ENOX1: variants seen among roughly 807,000 people sequenced by gnomAD.
ENOX1 encodes the protein candidate growth-related and time keeping constitutive hydroquinone (NADH) oxidase.
A neutral mutation model predicts 82.5 loss-of-function variants in ENOX1; 42 were observed. The ratio of observed to expected loss-of-function variants is 0.51; its 90% CI spans 0.40 to 0.66. ENOX1 has a LOEUF of 0.66. ENOX1 is among the 30% of genes least tolerant of loss of function. The probability of loss-of-function intolerance (pLI) is 0.00; values close to 1 mark genes in which losing one functional copy is unlikely to be tolerated. For synonymous variants in ENOX1, 271 were observed against 282.2 expected (o/e 0.96, Z 0.40); for missense variants, 608 against 811.6 (o/e 0.75, Z 3.05).
At chr13:43,722,160 G>T (rs1323522591) in intron 1 of ENOX1, among the ~76,000 whole-genome samples, 4 of 152,142 alleles carry the variant, frequency 2.6e-5, no homozygotes, top group Non-Finnish European at 2.9e-5. Context: ...GGATAAAAGG[G>T]TATTTAAAAA....
At chr13:43,459,736 G>A (rs1480140476) in intron 3 of ENOX1, among the ~76,000 whole-genome samples, 1 of 152,186 alleles carries the variant, frequency 6.6e-6, no homozygotes, top group Non-Finnish European at 1.5e-5. Context: ...GCTCCCACCT[G>A]TAATCCCAGC....
intron 2 of ENOX1, among the ~76,000 whole-genome samples, chr13:43,653,248 G>T (rs540052963): frequency 2.0e-5 from 3 of 152,174 alleles, no homozygotes; most frequent in Admixed American, 6.5e-5. Flanking sequence ...ATTGTTAATG[G>T]AAACAAACAT....
intron 2 of ENOX1, among the ~76,000 whole-genome samples, chr13:43,608,319 A>G (rs1478575937): frequency 6.6e-6 from 1 of 152,200 alleles, no homozygotes; most frequent in Non-Finnish European, 1.5e-5. Context: ...TTAATGTCAC[A>G]TATATTTTAA....
intron 3 of ENOX1, among the ~76,000 whole-genome samples, chr13:43,483,429 G>A (rs1179285554): frequency 1.3e-5 from 2 of 151,986 alleles, no homozygotes; most frequent in Non-Finnish European, 2.9e-5. Context: ...CAACAATATT[G>A]TTAGTAATTT....
At chr13:43,396,656 C>T (rs1372149536) in intron 5 of ENOX1, among the ~76,000 whole-genome samples, 1 of 152,172 alleles carries the variant, frequency 6.6e-6, no homozygotes, top group Non-Finnish European at 1.5e-5. Context: ...GCTGGGATTA[C>T]AGGCATGAGC....
chr13:43,752,742 A>C (rs1005690330), intron 1 of ENOX1, among the ~76,000 whole-genome samples: 28 of 152,266 alleles, frequency 1.8e-4, no homozygotes, highest in Non-Finnish European at 3.8e-4. Context: ...CTGTTGGGAC[A>C]CCAGTCCCAC....
At chr13:43,662,526 T>C (rs2084785292) in intron 2 of ENOX1, among the ~76,000 whole-genome samples, 1 of 152,172 alleles carries the variant, frequency 6.6e-6, no homozygotes, top group Non-Finnish European at 1.5e-5. Flanking sequence ...TGCATCTCTT[T>C]TCTGTACATA....
intron 1 of ENOX1, among the ~76,000 whole-genome samples, chr13:43,730,538 T>C (rs1291140282): frequency 6.6e-6 from 1 of 152,230 alleles, no homozygotes. Flanking sequence ...CTGGTCTGCA[T>C]GGCTCTGGCT....
chr13:43,682,743 C>T (rs2085857627), intron 1 of ENOX1, among the ~76,000 whole-genome samples: 1 of 152,130 alleles, frequency 6.6e-6, no homozygotes, highest in African/African-American at 2.4e-5. Flanking sequence ...CTAGCAGTGG[C>T]AGTTCAGTCT....
chr13:43,289,554 C>T (rs1434483418), intron 12 of ENOX1, among the ~76,000 whole-genome samples: 1 of 152,192 alleles, frequency 6.6e-6, no homozygotes, highest in African/African-American at 2.4e-5. Flanking sequence ...TAACCTTTCA[C>T]TGTCTACAAA....
intron 2 of ENOX1, among the ~76,000 whole-genome samples, chr13:43,523,998 G>A (rs1474247873): frequency 6.6e-6 from 1 of 151,856 alleles, no homozygotes; most frequent in East Asian, 1.9e-4. Flanking sequence ...TTCTCACCAA[G>A]TAATCTGCTC....
chr13:43,395,063 A>G (rs2153584741), intron 5 of ENOX1, among the ~76,000 whole-genome samples: 1 of 152,320 alleles, frequency 6.6e-6, no homozygotes, highest in East Asian at 1.9e-4. Flanking sequence ...AGCGTGACAC[A>G]TTCACTACTG....
intron 1 of ENOX1, among the ~76,000 whole-genome samples, chr13:43,732,764 T>G (rs2089418559): frequency 6.6e-6 from 1 of 152,226 alleles, no homozygotes; most frequent in South Asian, 2.1e-4. Flanking sequence ...GGTTCAACAA[T>G]GCTGCCTATT....
At chr13:43,466,083 A>G (rs2057705726) in intron 3 of ENOX1, among the ~76,000 whole-genome samples, 1 of 152,198 alleles carries the variant, frequency 6.6e-6, no homozygotes, top group Non-Finnish European at 1.5e-5. Context: ...AGTTAAAGGA[A>G]TGTGGGTAGA....
Position 43,784,070 on chromosome 13 carries a change from C to T in ENOX1, c.-285+2582G>A, listed in dbSNP as rs543395508. ...ATTCTACTGGTGATAATGCTTTCTA[C>T]AGTTTAAAACAGGGCCACCTTTTGG... On this transcript the variant is annotated intron_variant, in intron 1 of 16. Coordinates refer to ENST00000690772, the MANE Select transcript of ENOX1 (RefSeq NM_001347969.2). Among the ~76,000 whole-genome samples, 20 of 152,270 alleles carry T rather than the reference C, an allele frequency of 1.3e-4. No individual in the cohort carries two copies. In the South Asian group the frequency reaches 3.9e-3, roughly 30 times the overall value.
chr13:43,715,968 C>T (rs1462729828), intron 1 of ENOX1, among the ~76,000 whole-genome samples: 3 of 152,144 alleles, frequency 2.0e-5, no homozygotes, highest in Admixed American at 6.5e-5. Flanking sequence ...CTAATTTTTT[C>T]TCAAAGTTTT....
Position 43,786,822 on chromosome 13 carries a change from T to TGCCGCCGCTGCCGCCGCC in ENOX1, c.-456_-455insGGCGGCGGCAGCGGCGGC, listed in dbSNP as rs1654490544. On this transcript the variant is annotated 5_prime_UTR_variant, in exon 1 of 17. Coordinates refer to ENST00000690772, the MANE Select transcript of ENOX1 (RefSeq NM_001347969.2). The surrounding 1 kb of genome is among the most constrained non-coding windows in gnomAD (Gnocchi z 6.0). ...GGGCTGCAGTCGCCGTTCCCTCTGC[T>TGCCGCCGCTGCCGCCGCC]GCCGCCGCCGCTGCAGCAGACAGAG... The TGCCGCCGCTGCCGCCGCC allele has an allele frequency of 3.3e-5, 5 of 152,320 alleles. No individual in the cohort carries two copies. The highest frequency in any genetic ancestry group is 1.2e-4 in the African/African-American group (5 of 41,258). 9.4% of individuals were successfully genotyped at this position (152,320 alleles called of 1,614,324 possible).
chr13:43,468,184 C>CT (rs113334472), intron 3 of ENOX1, among the ~76,000 whole-genome samples: 70,524 of 150,102 alleles, frequency 0.47, 16,876 homozygotes, highest in African/African-American at 0.5. Flanking sequence ...TCATAAATTC[C>CT]TTTTTTTTTC....
At chr13:43,226,705 G>A (rs2042040366) in intron 15 of ENOX1, among the ~76,000 whole-genome samples, 2 of 152,180 alleles carry the variant, frequency 1.3e-5, no homozygotes, top group Admixed American at 1.3e-4. Flanking sequence ...AGAAGGAAGA[G>A]TCAGCTTTGG....
Sources: allele counts gnomAD v4.1 joint callset (sites outside exome capture counted in the v4.1 genomes callset), GRCh38; gene constraint gnomAD v4.1.1; non-coding constraint Gnocchi (gnomAD v3.1); transcripts MANE v1.5; gene names NCBI Gene and HGNC (gene_info 2026-07-23, HGNC 2026-07-21).